The following TENM3 variants were observed in gnomAD, a reference collection of about 807,000 sequenced individuals.
The protein encoded by TENM3 is teneurin-3.
Under a neutral mutation model 255.1 loss-of-function variants are expected in TENM3, and 63 were observed. The ratio of observed to expected loss-of-function variants is 0.25; its 90% CI spans 0.20 to 0.30. The LOEUF is 0.30. TENM3 is among the 10% of genes least tolerant of loss of function. The probability of loss-of-function intolerance (pLI) is 1.00; values close to 1 mark genes in which losing one functional copy is unlikely to be tolerated. For missense variants in TENM3, 2,929 were observed against 3,461.1 expected, an observed-to-expected ratio of 0.85 and a Z score of 3.86; for synonymous variants, 1,306 against 1,322.3, an observed-to-expected ratio of 0.99 and a Z score of 0.27.
the TENM3 span, among the ~76,000 whole-genome samples, chr4:181,537,964 G>A: frequency 5.3e-5 from 8 of 152,118 alleles, no homozygotes; most frequent in Admixed American, 3.9e-4. Flanking sequence ...CCCTTCATAC[G>A]TTAGGGGGAA....
chr4:181,586,944 G>A, the TENM3 span, among the ~76,000 whole-genome samples: 1 of 151,884 alleles, frequency 6.6e-6, no homozygotes, highest in Non-Finnish European at 1.5e-5. Flanking sequence ...ATTATGTTAG[G>A]CTGTTATTGG....
At chr4:181,669,543 T>C in the TENM3 span, among the ~76,000 whole-genome samples, 3 of 152,170 alleles carry the variant, frequency 2.0e-5, no homozygotes, top group Admixed American at 2.0e-4. Context: ...GTTAGGGTTC[T>C]TAGCAAGGAG....
chr4:181,929,228 A>G, the TENM3 span, among the ~76,000 whole-genome samples: 2 of 152,194 alleles, frequency 1.3e-5, no homozygotes, highest in Non-Finnish European at 2.9e-5. Context: ...AAAGACACAG[A>G]CTGGCAAATT....
At chr4:182,615,350 C>T (rs892103999) in intron 4 of TENM3, among the ~76,000 whole-genome samples, 2 of 151,800 alleles carry the variant, frequency 1.3e-5, no homozygotes, top group African/African-American at 4.8e-5. Flanking sequence ...ACTCTCTCTG[C>T]GAAGAAATTA....
intron 1 of TENM3, among the ~76,000 whole-genome samples, chr4:182,297,096 A>G (rs1467708239): frequency 6.6e-6 from 1 of 152,284 alleles, no homozygotes; most frequent in East Asian, 1.9e-4. Flanking sequence ...CCTCCTTATG[A>G]GGAGTAAGTA....
At chr4:182,075,445 G>A in the TENM3 span, among the ~76,000 whole-genome samples, 11 of 152,020 alleles carry the variant, frequency 7.2e-5, no homozygotes, top group Non-Finnish European at 1.3e-4. Flanking sequence ...TGATCCACCC[G>A]CCTTGGCCTC....
intron 3 of TENM3, among the ~76,000 whole-genome samples, chr4:182,541,791 G>C (rs1055069513): frequency 6.6e-6 from 1 of 152,138 alleles, no homozygotes; most frequent in Non-Finnish European, 1.5e-5. Flanking sequence ...AGGCACAGTG[G>C]CTCATGGCTG....
At chr4:181,714,995 C>T in the TENM3 span, among the ~76,000 whole-genome samples, 8 of 152,148 alleles carry the variant, frequency 5.3e-5, no homozygotes, top group Non-Finnish European at 1.2e-4. Context: ...TTGAAAAATA[C>T]ATTCACAGAT....
the TENM3 span, among the ~76,000 whole-genome samples, chr4:181,963,356 A>G: frequency 6.6e-6 from 1 of 152,108 alleles, no homozygotes; most frequent in Non-Finnish European, 1.5e-5. Flanking sequence ...CTTTTCCCTC[A>G]TTCTTTCACT....
the TENM3 span, among the ~76,000 whole-genome samples, chr4:181,742,642 G>A: frequency 4.6e-5 from 7 of 151,734 alleles, no homozygotes; most frequent in Non-Finnish European, 8.8e-5. Context: ...AAGGATGATT[G>A]GAAGTGCTTT....
intron 12 of TENM3, among the ~76,000 whole-genome samples, chr4:182,711,077 G>A (rs1281639463): frequency 6.6e-6 from 1 of 152,024 alleles, no homozygotes; most frequent in Admixed American, 6.6e-5. Flanking sequence ...AGAGATACTG[G>A]GTAATCGTTT....
chr4:181,938,212 A>G, the TENM3 span, among the ~76,000 whole-genome samples: 3 of 152,202 alleles, frequency 2.0e-5, no homozygotes, highest in Non-Finnish European at 4.4e-5. Context: ...TCATGTTATC[A>G]GATGTCTTTA....
chr4:182,777,598 C>T (rs189887897), intron 24 of TENM3, among the ~76,000 whole-genome samples: 1,154 of 112,438 alleles, frequency 0.01, 14 homozygotes, highest in African/African-American at 0.041. Flanking sequence ...CACTCTGTTG[C>T]CCAGGCTGGA....
the TENM3 span, among the ~76,000 whole-genome samples, chr4:182,018,910 G>C: frequency 5.9e-3 from 900 of 152,198 alleles, 12 homozygotes; most frequent in African/African-American, 0.02. Context: ...AAAGACTAAG[G>C]GAGTTTCCCA....
At chr4:181,586,487 G>A in the TENM3 span, among the ~76,000 whole-genome samples, 1 of 152,132 alleles carries the variant, frequency 6.6e-6, no homozygotes, top group East Asian at 1.9e-4. Flanking sequence ...TGCGAAAATG[G>A]GGGTCTCTCT....
At chr4:181,497,602 T>C in the TENM3 span, among the ~76,000 whole-genome samples, 1 of 152,068 alleles carries the variant, frequency 6.6e-6, no homozygotes, top group African/African-American at 2.4e-5. Flanking sequence ...AAAACAAAAA[T>C]GGAGGAAGGC....
intron 1 of TENM3, among the ~76,000 whole-genome samples, chr4:182,165,993 T>G (rs2149670900): frequency 6.6e-6 from 1 of 152,288 alleles, no homozygotes; most frequent in Non-Finnish European, 1.5e-5. Context: ...TTAGCCAGGA[T>G]GGTCTCGATC....
At chr4:182,687,912 T>C (rs1047645835) in intron 11 of TENM3, among the ~76,000 whole-genome samples, 2 of 152,194 alleles carry the variant, frequency 1.3e-5, no homozygotes, top group African/African-American at 4.8e-5. Context: ...CTAACAATTG[T>C]CATGTGTATT....
intron 3 of TENM3, among the ~76,000 whole-genome samples, chr4:182,474,974 A>C (rs1311031490): frequency 6.6e-6 from 1 of 152,162 alleles, no homozygotes; most frequent in African/African-American, 2.4e-5. Context: ...ACTCGTATCT[A>C]CACACTTCAG....
Sources: gnomAD v4.1 joint callset for allele counts (sites outside exome capture counted in the v4.1 genomes callset) on GRCh38, gnomAD v4.1.1 for gene constraint, MANE v1.5 for transcripts, NCBI Gene and HGNC (gene_info 2026-07-23, HGNC 2026-07-21) for gene names.